TRAPPC3L: variants seen among roughly 807,000 people sequenced by gnomAD.
The protein encoded by TRAPPC3L is trafficking protein particle complex subunit 3L, also known as trafficking protein particle complex subunit 3-like protein.
TRAPPC3L carries 23 observed loss-of-function variants against 23.7 expected under a neutral mutation model. The observed-to-expected ratio is 0.97, with a 90% CI of 0.70 to 1.37. The LOEUF is 1.37. TRAPPC3L is among the 40% of genes most tolerant of loss of function. The pLI is 0.00. For missense variants in TRAPPC3L, 212 were observed against 216.8 expected, an observed-to-expected ratio of 0.98 and a Z score of 0.14; for synonymous variants, 81 against 77.9, an observed-to-expected ratio of 1.04 and a Z score of -0.21.
chr6:116,535,847 G>T (rs942278973), intron 3 of TRAPPC3L, among the ~76,000 whole-genome samples: 2 of 152,154 alleles, frequency 1.3e-5, no homozygotes, highest in African/African-American at 4.8e-5. Flanking sequence ...AAGGTCAAAA[G>T]AATTAAATTC....
chr6:116,512,268 A>C, intron 3 of TRAPPC3L: 1 of 1,564,246 alleles, frequency 6.4e-7, no homozygotes, highest in Non-Finnish European at 8.6e-7. Context: ...TTTTTCTCTC[A>C]GCATGAGCTC....
At chr6:116,531,641 T>C (rs558236595) in intron 3 of TRAPPC3L, among the ~76,000 whole-genome samples, 73 of 152,270 alleles carry the variant, frequency 4.8e-4, no homozygotes, top group Non-Finnish European at 9.0e-4. Flanking sequence ...GGAGTCTACC[T>C]AACACAATTT....
At position 116,496,869 on chromosome 6, in the gene TRAPPC3L, G is replaced by C. The variant is rs1347825941; in HGVS notation, c.*85C>G. 4 of 1,432,064 alleles carry C rather than the reference G, an allele frequency of 2.8e-6. No individual in the cohort carries two copies. The highest frequency in any genetic ancestry group is 3.7e-6 in the Non-Finnish European group (4 of 1,094,594). The allele number at this position is 1,432,064 out of a possible 1,614,324, so 88.7% of individuals were successfully genotyped here. On this transcript the variant is annotated 3_prime_UTR_variant, in exon 5 of 5. Transcript: ENST00000368602. ...ATAAACCTTTCAAAGCTCATGCTAT[G>C]AAGCAATTCAAAATTTCTATGTCTA...
intron 3 of TRAPPC3L, among the ~76,000 whole-genome samples, chr6:116,535,058 C>T (rs568775779): frequency 4.6e-5 from 7 of 152,222 alleles, no homozygotes; most frequent in South Asian, 4.1e-4. Flanking sequence ...TGTGCAAGGC[C>T]GAGCAGTTAT....
At chr6:116,522,544 T>G (rs1302695673) in intron 3 of TRAPPC3L, 1 of 152,222 alleles carries the variant, frequency 6.6e-6, no homozygotes, top group African/African-American at 2.4e-5. Context: ...ACAGCATGAT[T>G]TGATAGATGC....
intron 3 of TRAPPC3L, among the ~76,000 whole-genome samples, chr6:116,539,684 T>C (rs956359989): frequency 1.3e-5 from 2 of 151,970 alleles, no homozygotes; most frequent in Non-Finnish European, 2.9e-5. Flanking sequence ...TATTAAGGAC[T>C]AGGAGAGAAA....
chr6:116,510,802 G>T lies in TRAPPC3L; in HGVS notation c.241-10136C>A, dbSNP rs189498978. ...CTGATGAATAGATAAAGAAACTGTG[G>T]TGTATATATACCATGGAATACTACT... is the stretch of plus-strand genomic sequence containing the variant. On this transcript the variant is annotated intron_variant, in intron 3 of 4. Transcript: ENST00000368602. Among the ~76,000 whole-genome samples the T allele has an allele frequency of 3.7e-3, 569 of 152,058 alleles. 3 individuals carry two copies. The highest frequency in any genetic ancestry group is 5.9e-3 in the Admixed American group (90 of 15,254).
At position 116,500,636 on chromosome 6, in the gene TRAPPC3L, G is replaced by T. The variant is rs1353125214; in HGVS notation, c.271C>A (p.Pro91Thr). ...VAFKMYLGIT[P>T]SVTCNNSSKN... ...CTTGAATTGTTACAGGTCACACTTG[G>T]TGTAATTCCCAGGTACATCTTGAAA... is the stretch of plus-strand genomic sequence containing the variant. The change falls in exon 4 of 5, where the codon CCA (proline) becomes ACA (threonine). Residue 91 changes from proline to threonine, a missense_variant. Physicochemically the swap from Pro to Thr is conservative, Grantham distance 38. Coordinates refer to ENST00000368602, the MANE Select transcript of TRAPPC3L (RefSeq NM_001139444.3). 6.4e-7 allele frequency: 1 copy of T among 1,551,360 alleles called. No homozygotes were observed. The highest frequency in any genetic ancestry group is 8.7e-7 in the Non-Finnish European group (1 of 1,146,950).
At chr6:116,515,663 C>G (rs199849392) in intron 3 of TRAPPC3L, 1 of 1,613,948 alleles carries the variant, frequency 6.2e-7, no homozygotes, top group African/African-American at 1.3e-5. Flanking sequence ...ATGTTATGCT[C>G]GCTGCCGATC....
chr6:116,511,589 T>TG, intron 3 of TRAPPC3L: 1 of 978,834 alleles, frequency 1.0e-6, no homozygotes, highest in South Asian at 1.6e-5. Context: ...CAATTCAGTC[T>TG]GAGAAGGACT....
intron 3 of TRAPPC3L, among the ~76,000 whole-genome samples, chr6:116,533,617 T>C (rs1282936477): frequency 2.0e-5 from 3 of 152,242 alleles, no homozygotes; most frequent in Non-Finnish European, 4.4e-5. Context: ...CCTTCTGTAC[T>C]GGTTGTCAGA....
intron 4 of TRAPPC3L, among the ~76,000 whole-genome samples, chr6:116,498,766 C>T (rs1771869248): frequency 6.6e-6 from 1 of 152,198 alleles, no homozygotes. Context: ...ATCAGTCTGT[C>T]CTCTTGAAAT....
chr6:116,540,032 C>T (rs1299776281), intron 3 of TRAPPC3L, among the ~76,000 whole-genome samples: 1 of 152,130 alleles, frequency 6.6e-6, no homozygotes, highest in African/African-American at 2.4e-5. Context: ...TGAAAATTAT[C>T]GTAAAGAAAC....
chr6:116,532,874 C>T (rs1035255222), intron 3 of TRAPPC3L, among the ~76,000 whole-genome samples: 4 of 152,214 alleles, frequency 2.6e-5, no homozygotes, highest in African/African-American at 9.7e-5. Context: ...TACAAAGTTG[C>T]TTTGTCATTT....
chr6:116,537,842 G>C (rs1773194552), intron 3 of TRAPPC3L, among the ~76,000 whole-genome samples: 3 of 152,114 alleles, frequency 2.0e-5, no homozygotes, highest in Admixed American at 2.0e-4. Context: ...TTTTTATTGA[G>C]TAAATACCCA....
In TRAPPC3L at chr6:116,540,434, C is replaced by T. The variant is rs866454358; in HGVS notation, c.169G>A (p.Glu57Lys). 1 of 1,551,306 alleles carries T rather than the reference C, an allele frequency of 6.4e-7. No individual in the cohort carries two copies. The highest frequency in any genetic ancestry group is 8.7e-7 in the Non-Finnish European group (1 of 1,146,744). ...ACGCAGGATCGAGCCAAAAAGTCTT[C>T]CACAAGCCGCGTTCCAATGCCGTAA... The part of the protein sequence containing the change: ...MGYGIGTRLV[E>K]DFLARSCVGR... The change falls in exon 3 of 5, where the codon GAA becomes AAA. Residue 57 changes from glutamate (E) to lysine (K), a missense_variant. Glu to Lys is a moderately conservative substitution (Grantham distance 56). Transcript: ENST00000368602.
chr6:116,504,616 A>C (rs915581636), intron 3 of TRAPPC3L, among the ~76,000 whole-genome samples: 2 of 152,190 alleles, frequency 1.3e-5, no homozygotes, highest in Non-Finnish European at 2.9e-5. Context: ...GATGAACATT[A>C]ATGCAAAAAT....
In TRAPPC3L at chr6:116,514,142, G is replaced by A. The variant is rs536005999; in HGVS notation, c.241-13476C>T. Among the ~76,000 whole-genome samples, 7 of 152,120 alleles carry A rather than the reference G, an allele frequency of 4.6e-5. No homozygotes were observed. In the South Asian group the frequency reaches 6.2e-4, roughly 14 times the overall value. On this transcript the variant is annotated intron_variant, in intron 3 of 4. Transcript: ENST00000368602. ...GTATGGAAGCATCCACCAAGCTCTA[G>A]TTTGACTCTGGGTACTGTGAATTGA...
At chr6:116,497,187 A>G (rs1771845471) in intron 4 of TRAPPC3L, 114 bp from the exon 5 acceptor site, 3 of 1,370,816 alleles carry the variant, frequency 2.2e-6, no homozygotes, top group Non-Finnish European at 2.9e-6. Flanking sequence ...TTTTTAAAAA[A>G]GCTTGTTCGT....
Sources: gnomAD v4.1 joint callset for allele counts (sites outside exome capture counted in the v4.1 genomes callset) on GRCh38, gnomAD v4.1.1 for gene constraint, MANE v1.5 for transcripts, NCBI Gene and HGNC (gene_info 2026-07-23, HGNC 2026-07-21) for gene names.